ELFN2: variants seen among roughly 807,000 people sequenced by gnomAD.
ELFN2 encodes the protein extracellular leucine rich repeat and fibronectin type III domain containing 2, also known as protein phosphatase 1 regulatory subunit 29.
A neutral mutation model predicts 45.5 loss-of-function variants in ELFN2; 17 were observed. The ratio of observed to expected loss-of-function variants is 0.37; its 90% CI spans 0.26 to 0.56. The LOEUF (loss-of-function observed/expected upper bound fraction) is 0.56. Among genes scored for constraint, ELFN2 ranks in the 20% least tolerant of loss-of-function variants. The pLI is 0.77. For missense variants in ELFN2, 922 were observed against 1,183.2 expected (o/e 0.78, Z 3.24); for synonymous variants, 550 against 551.5 (o/e 1.00, Z 0.04).
At chr22:37,426,136 AGCC>A (rs1178225910) in intron 1 of ELFN2, among the ~76,000 whole-genome samples, 48 of 152,018 alleles carry the variant, frequency 3.2e-4, no homozygotes, top group Non-Finnish European at 7.4e-5. Flanking sequence ...AGTGCCCTCC[AGCC>A]GCAGCTGCTG....
rs113866165 is a variant in ELFN2 at position 37,407,473 on chromosome 22, C to T, written c.-463+10296G>A. On this transcript the variant is annotated intron_variant, in intron 2 of 2. Transcript: ENST00000402918. ...TGATGGGGGAGCCAGGGAGTCAACA[C>T]GAAAATCAAGAAACAAGTGCCTTGG... Among the ~76,000 whole-genome samples the T allele has an allele frequency of 1.9e-3, 286 of 152,192 alleles. 3 individuals are homozygous for T. The highest frequency in any genetic ancestry group is 6.6e-3 in the African/African-American group (272 of 41,516).
At chr22:37,380,517 G>A (rs1234449340) in intron 2 of ELFN2, among the ~76,000 whole-genome samples, 1 of 152,192 alleles carries the variant, frequency 6.6e-6, no homozygotes, top group African/African-American at 2.4e-5. Flanking sequence ...GAGCAGGTGG[G>A]GGGAAGCGCA....
chr22:37,405,755 C>T (rs552804513), intron 2 of ELFN2, among the ~76,000 whole-genome samples: 2 of 151,810 alleles, frequency 1.3e-5, no homozygotes, highest in East Asian at 3.9e-4. Flanking sequence ...CCTTTCCTGG[C>T]CTCTCCGAAC....
At chr22:37,356,633 C>G (rs924218198) in intron 1 of ELFN2, among the ~76,000 whole-genome samples, 1 of 152,170 alleles carries the variant, frequency 6.6e-6, no homozygotes, top group Non-Finnish European at 1.5e-5. Context: ...GTAATAGTCA[C>G]GGCAGACACT....
intron 1 of ELFN2, among the ~76,000 whole-genome samples, chr22:37,347,072 C>T (rs761695416): frequency 1.3e-5 from 2 of 152,062 alleles, no homozygotes; most frequent in African/African-American, 2.4e-5. Flanking sequence ...TCTGCCCCCC[C>T]GGTTCAAGTG....
chr22:37,379,308 G>A (rs1931682575), intron 2 of ELFN2, among the ~76,000 whole-genome samples: 1 of 152,164 alleles, frequency 6.6e-6, no homozygotes, highest in Non-Finnish European at 1.5e-5. Context: ...AATGCAGCCT[G>A]TGACCAGCCC....
At chr22:37,349,696 G>A (rs372614086) in intron 1 of ELFN2, among the ~76,000 whole-genome samples, 6 of 151,210 alleles carry the variant, frequency 4.0e-5, no homozygotes, top group Admixed American at 6.6e-5. Flanking sequence ...AGCCCACACC[G>A]TGGTTTACAT....
chr22:37,363,671 G>A (rs1381559991), downstream of ELFN2, among the ~76,000 whole-genome samples: 3 of 152,276 alleles, frequency 2.0e-5, no homozygotes, highest in Non-Finnish European at 2.9e-5. Flanking sequence ...GAGGCAGCCC[G>A]GGCCTCAACT....
intron 1 of ELFN2, among the ~76,000 whole-genome samples, chr22:37,350,897 C>A (rs1434729937): frequency 6.6e-6 from 1 of 150,532 alleles, no homozygotes; most frequent in Non-Finnish European, 1.5e-5. Context: ...CCACCCTTAC[C>A]CCCTGACCCA....
At chr22:37,416,812 A>G (rs1011056394) in intron 2 of ELFN2, among the ~76,000 whole-genome samples, 1 of 150,418 alleles carries the variant, frequency 6.6e-6, no homozygotes, top group African/African-American at 2.5e-5. Context: ...GGGCGCACCC[A>G]CCACCCTGCA....
At chr22:37,348,605 C>G (rs1206094493) in intron 1 of ELFN2, among the ~76,000 whole-genome samples, 1 of 150,452 alleles carries the variant, frequency 6.6e-6, no homozygotes, top group East Asian at 1.9e-4. Context: ...GGGCAGGGCT[C>G]CTGTCCCACA....
At chr22:37,391,414 G>A (rs958741265) in intron 2 of ELFN2, among the ~76,000 whole-genome samples, 6 of 152,100 alleles carry the variant, frequency 3.9e-5, no homozygotes, top group African/African-American at 7.2e-5. Context: ...GAGCCACCAC[G>A]CACAGGGCCA....
chr22:37,381,050 T>C (rs1213099332), intron 2 of ELFN2, among the ~76,000 whole-genome samples: 1 of 152,206 alleles, frequency 6.6e-6, no homozygotes, highest in Non-Finnish European at 1.5e-5. Context: ...GATTGAATGC[T>C]GAGCTGTGTG....
chr22:37,396,599 G>A (rs13055311), intron 2 of ELFN2, among the ~76,000 whole-genome samples: 34,209 of 152,088 alleles, frequency 0.22, 4,050 homozygotes, highest in South Asian at 0.39. Flanking sequence ...AACCCAGAGA[G>A]GACAAGAGCC....
intron 1 of ELFN2, among the ~76,000 whole-genome samples, chr22:37,355,500 T>C (rs534559902): frequency 6.6e-6 from 1 of 152,260 alleles, no homozygotes; most frequent in Non-Finnish European, 1.5e-5. Flanking sequence ...GGTGCTGGCG[T>C]CCTAGGCTTC....
chr22:37,356,192 G>C (rs896894469), intron 1 of ELFN2, among the ~76,000 whole-genome samples: 2 of 152,162 alleles, frequency 1.3e-5, no homozygotes, highest in African/African-American at 4.8e-5. Context: ...GAGCAATGTG[G>C]GGTGCTTCTC....
intron 2 of ELFN2, among the ~76,000 whole-genome samples, chr22:37,382,388 G>A (rs1016132004): frequency 3.3e-5 from 5 of 152,202 alleles, no homozygotes; most frequent in Non-Finnish European, 5.9e-5. Context: ...GGGACTACAG[G>A]TGCATGCCGC....
intron 2 of ELFN2, among the ~76,000 whole-genome samples, chr22:37,390,145 C>T (rs142534235): frequency 1.3e-5 from 2 of 152,312 alleles, no homozygotes; most frequent in East Asian, 1.9e-4. Context: ...GATGACACTC[C>T]GGTCCCTCCA....
At chr22:37,357,926 G>A (rs1273257627) in intron 1 of ELFN2, among the ~76,000 whole-genome samples, 4 of 152,170 alleles carry the variant, frequency 2.6e-5, no homozygotes, top group Admixed American at 6.5e-5. Flanking sequence ...CACCCTGCAC[G>A]CATCTGAAGC....
Sources: gnomAD v4.1 joint callset for allele counts (sites outside exome capture counted in the v4.1 genomes callset) on GRCh38, gnomAD v4.1.1 for gene constraint, MANE v1.5 for transcripts, NCBI Gene and HGNC (gene_info 2026-07-23, HGNC 2026-07-21) for gene names.